The following PCCA variants were observed in gnomAD, a reference collection of about 807,000 sequenced individuals.
PCCA encodes propionyl-CoA carboxylase alpha chain, mitochondrial.
A neutral mutation model predicts 101.3 loss-of-function variants in PCCA; 74 were observed. The observed-to-expected ratio is 0.73, with a 90% confidence interval of 0.61 to 0.89. PCCA has a LOEUF of 0.89. Ranked by LOEUF, PCCA falls within the 40% of genes least tolerant of loss-of-function variation. The probability of loss-of-function intolerance (pLI) is 0.00; values close to 1 mark genes in which losing one functional copy is unlikely to be tolerated. For missense variants in PCCA, 891 were observed against 907.0 expected (o/e 0.98, Z 0.23); for synonymous variants, 294 against 313.6 (o/e 0.94, Z 0.66).
At chr13:100,119,655 G>C (rs1406302120) in intron 4 of PCCA, among the ~76,000 whole-genome samples, 1 of 151,820 alleles carries the variant, frequency 6.6e-6, no homozygotes, top group Non-Finnish European at 1.5e-5. Context: ...TCTCTATTTC[G>C]TAGGTTGATT....
chr13:100,421,395 A>T (rs953414226), intron 19 of PCCA, among the ~76,000 whole-genome samples: 6 of 152,162 alleles, frequency 3.9e-5, no homozygotes, highest in African/African-American at 1.4e-4. Flanking sequence ...TTCTTAAAAA[A>T]TGATAGCACA....
At chr13:100,391,309 T>G (rs973769566) in intron 19 of PCCA, among the ~76,000 whole-genome samples, 1 of 151,752 alleles carries the variant, frequency 6.6e-6, no homozygotes, top group Non-Finnish European at 1.5e-5. Context: ...AAGGAGCGGG[T>G]GGAGATGAAG....
At chr13:100,489,177 G>A (rs1291908900) in intron 21 of PCCA, among the ~76,000 whole-genome samples, 2 of 152,070 alleles carry the variant, frequency 1.3e-5, no homozygotes, top group African/African-American at 4.8e-5. Context: ...GCGTGGTGGC[G>A]AGCACCTGTA....
chr13:100,339,974 G>T (rs541462620), intron 17 of PCCA, among the ~76,000 whole-genome samples, 183 bp from the exon 18 acceptor site: 1 of 152,284 alleles, frequency 6.6e-6, no homozygotes, highest in Non-Finnish European at 1.5e-5. Flanking sequence ...GCAGGATTTT[G>T]TTGTCTTATT....
chr13:100,465,647 C>T lies in PCCA; in HGVS notation c.1899+16342C>T, dbSNP rs1292970. 8.9e-3 allele frequency among the ~76,000 whole-genome samples: 1,348 copies of T among 152,296 alleles called. 18 individuals are homozygous for T. The highest frequency in any genetic ancestry group is 0.031 in the African/African-American group (1,277 of 41,562). On this transcript the variant is annotated intron_variant, in intron 21 of 23. Coordinates refer to ENST00000376285, the MANE Select transcript of PCCA (RefSeq NM_000282.4). ...CAATTCTCTGTTGTGGGAGACTGCCCTATGCGTAATAGGATGTTTAGCAGC... is the reference window on the plus strand; with the variant it reads ...CAATTCTCTGTTGTGGGAGACTGCCTTATGCGTAATAGGATGTTTAGCAGC...
At chr13:100,282,703 A>G (rs2064235947) in intron 12 of PCCA, among the ~76,000 whole-genome samples, 1 of 152,170 alleles carries the variant, frequency 6.6e-6, no homozygotes, top group African/African-American at 2.4e-5. Flanking sequence ...TTACAATACT[A>G]TCCTGCAGCT....
intron 20 of PCCA, 22 bp from the exon 21 acceptor site, chr13:100,449,230 A>G: frequency 2.0e-6 from 3 of 1,500,256 alleles, no homozygotes; most frequent in Non-Finnish European, 2.7e-6. Context: ...AGTTCATTTT[A>G]TATCTCTTGT....
intron 20 of PCCA, among the ~76,000 whole-genome samples, chr13:100,434,642 T>A (rs1223129128): frequency 6.6e-6 from 1 of 152,206 alleles, no homozygotes; most frequent in Non-Finnish European, 1.5e-5. Flanking sequence ...AACTACTGTG[T>A]TGACTCTGAA....
intron 19 of PCCA, among the ~76,000 whole-genome samples, chr13:100,400,915 C>T (rs537472427): frequency 1.5e-4 from 23 of 152,164 alleles, no homozygotes; most frequent in African/African-American, 3.1e-4. Context: ...CGTGAGCCAC[C>T]GGCATGGCCT....
chr13:100,263,938 CAT>C (rs1239486634), intron 10 of PCCA, among the ~76,000 whole-genome samples: 4 of 148,002 alleles, frequency 2.7e-5, no homozygotes, highest in African/African-American at 9.9e-5. Context: ...ATCTGTATGT[CAT>C]ATATACGGTA....
chr13:100,268,857 T>C, intron 11 of PCCA, 74 bp downstream of exon 11: 1 of 1,039,492 alleles, frequency 9.6e-7, no homozygotes, highest in Non-Finnish European at 1.5e-6. Context: ...CATTCATCAT[T>C]CACTGACGCA....
intron 4 of PCCA, chr13:100,150,419 GTTTA>G (rs1241673741): frequency 1.7e-4 from 74 of 428,186 alleles, no homozygotes; most frequent in Non-Finnish European, 2.5e-4. Flanking sequence ...CATTGTATAT[GTTTA>G]TTTATATTAT....
At chr13:100,299,900 G>A (rs1220472583) in intron 12 of PCCA, among the ~76,000 whole-genome samples, 1 of 152,180 alleles carries the variant, frequency 6.6e-6, no homozygotes. Flanking sequence ...TTTTAGTAGA[G>A]ACAGGGTTTC....
rs2061160360 is a variant in PCCA at position 100,241,881 on chromosome 13, T to C, written c.637+6003T>C. On this transcript the variant is annotated intron_variant, in intron 8 of 23. Coordinates refer to ENST00000376285, the MANE Select transcript of PCCA (RefSeq NM_000282.4). ...TATTTGTTTGTATACCTGTTTTCAA[T>C]TATTTTGGGTATATTCTTCGAAGTG... Among the ~76,000 whole-genome samples, 3 of 152,230 alleles carry C rather than the reference T, an allele frequency of 2.0e-5. No individual in the cohort carries two copies. The South Asian group carries it at 6.2e-4, about 31-fold the overall frequency.
intron 20 of PCCA, among the ~76,000 whole-genome samples, chr13:100,426,761 T>C (rs999464760): frequency 3.3e-5 from 5 of 152,162 alleles, no homozygotes; most frequent in Admixed American, 6.5e-5. Context: ...TTTAATTTTC[T>C]AACTCCTGTC....
At chr13:100,423,666 C>G (rs1456957857) in intron 19 of PCCA, among the ~76,000 whole-genome samples, 1 of 152,218 alleles carries the variant, frequency 6.6e-6, no homozygotes, top group Non-Finnish European at 1.5e-5. Context: ...CAGAGGCCCT[C>G]TACCTTTAGT....
In PCCA at chr13:100,107,863, C is replaced by T. The variant is rs530242284; in HGVS notation, c.184-3978C>T. On this transcript the variant is annotated intron_variant, in intron 2 of 23. Coordinates refer to ENST00000376285, the MANE Select transcript of PCCA (RefSeq NM_000282.4). The stretch of plus-strand genomic sequence containing the variant: ...TGTATACAAAACGTGTCCTAAGTGT[C>T]GGCTGCTTAATGTCCTTAACTGAAT... 3.3e-5 allele frequency among the ~76,000 whole-genome samples: 5 copies of T among 152,312 alleles called. No individual in the cohort carries two copies. In the South Asian group the frequency reaches 6.2e-4, roughly 19 times the overall value.
chr13:100,491,635 A>G, intron 21 of PCCA: 1 of 1,303,580 alleles, frequency 7.7e-7, no homozygotes, highest in Non-Finnish European at 1.0e-6. Context: ...TGCACTCTTA[A>G]TAACTTTTTT....
intron 20 of PCCA, among the ~76,000 whole-genome samples, chr13:100,439,396 A>G (rs955472556): frequency 2.6e-5 from 4 of 152,222 alleles, no homozygotes; most frequent in Non-Finnish European, 4.4e-5. Context: ...GCATATAATT[A>G]AAGTGATGAA....
Sources: gnomAD v4.1 joint callset for allele counts (sites outside exome capture counted in the v4.1 genomes callset) on GRCh38, gnomAD v4.1.1 for gene constraint, MANE v1.5 for transcripts, NCBI Gene and HGNC (gene_info 2026-07-23, HGNC 2026-07-21) for gene names.